The following IRX4 variants were observed in gnomAD, a reference collection of about 807,000 sequenced individuals.
IRX4 encodes iroquois-class homeodomain protein IRX-4.
Under a neutral mutation model 32.0 loss-of-function variants are expected in IRX4, and 22 were observed. That is an observed-to-expected ratio of 0.69 (90% CI 0.49 to 0.98). IRX4 has a LOEUF of 0.98. Ranked by LOEUF, IRX4 falls within the 50% of genes least tolerant of loss-of-function variation. IRX4 has a pLI of 0.00. For missense variants in IRX4, 840 were observed against 744.2 expected (o/e 1.13, Z -1.50); for synonymous variants, 379 against 351.7 (o/e 1.08, Z -0.87).
At position 1,878,534 on chromosome 5, in the gene IRX4, G is replaced by A; in HGVS notation, c.995C>T (p.Ala332Val). The part of the protein sequence containing the change: ...RARSCLRSAA[A>V]GPEPLPGAEG... The stretch of plus-strand genomic sequence containing the variant: ...TGCGCCCGGCAGTGGCTCCGGCCCG[G>A]CCGCCGCGCTGCGGAGACAGCTCCG... Residue 332 changes from alanine (A) to valine (V), a missense_variant, in exon 5 of 5, where the codon GCC becomes GTC. Coordinates refer to ENST00000231357, the MANE Select transcript of IRX4 (RefSeq NM_016358.3). 6.9e-7 allele frequency: 1 copy of A among 1,448,950 alleles called. No individual in the cohort carries two copies. Among genetic ancestry groups the A allele is most frequent in the East Asian group, 2.7e-5 (1 of 37,432 alleles). The allele number at this position is 1,448,950 out of a possible 1,614,324, so 89.8% of individuals were successfully genotyped here.
At chr5:1,883,070 C>T (rs565035836), upstream of IRX4, among the ~76,000 whole-genome samples, 47 of 152,178 alleles carry the variant, frequency 3.1e-4, no homozygotes, top group African/African-American at 9.9e-4. Context: ...GCGGCTCAGG[C>T]CGGGAGGGGC....
intron 3 of IRX4, among the ~76,000 whole-genome samples, chr5:1,880,387 C>A (rs1042928198): frequency 1.3e-5 from 2 of 152,188 alleles, no homozygotes; most frequent in African/African-American, 4.8e-5. Flanking sequence ...TGTGGACACT[C>A]GGAAGGAGGT....
At position 1,879,721 on chromosome 5, in the gene IRX4, G is replaced by T. The variant is rs61748182; in HGVS notation, c.519C>A (p.Gly173=). ...TGATGATGGCCAGCATGATCTTCTC[G>T]CCCTTGGTGGGGTAGGGGTTCTTGC... ...EHRKNPYPTK[G]EKIMLAIITK... The change falls in exon 4 of 5, where the codon GGC becomes GGA. Residue 173 remains glycine (G), a synonymous_variant. Coordinates refer to ENST00000231357, the MANE Select transcript of IRX4 (RefSeq NM_016358.3). 1 of 1,614,246 alleles carries T rather than the reference G, an allele frequency of 6.2e-7. No homozygotes were observed. Among genetic ancestry groups the T allele is most frequent in the East Asian group, 2.2e-5 (1 of 44,888 alleles).
In IRX4 at chr5:1,878,245, C is replaced by T; in HGVS notation, c.1284G>A (p.Gln428=). The change falls in exon 5 of 5, where the codon CAG becomes CAA. Residue 428 remains glutamine (Q), a synonymous_variant. Coordinates refer to ENST00000231357, the MANE Select transcript of IRX4 (RefSeq NM_016358.3). Reference sequence around the variant, plus strand: ...TTCTGAGACTGGTTACCGGGGAGTCCTGGTGCCTGTCCAGGGCGCCAGAGT... The same window carrying T: ...TTCTGAGACTGGTTACCGGGGAGTCTTGGTGCCTGTCCAGGGCGCCAGAGT... ...LPHSGALDRH[Q]DSPVTSLRNW... The T allele has an allele frequency of 6.2e-7, 1 of 1,604,712 alleles. No homozygotes were observed. The highest frequency in any genetic ancestry group is 8.5e-7 in the Non-Finnish European group (1 of 1,176,622).
intron 4 of IRX4, 26 bp downstream of exon 4, chr5:1,879,478 C>T: frequency 6.2e-7 from 1 of 1,612,762 alleles, no homozygotes; most frequent in Non-Finnish European, 8.5e-7. Flanking sequence ...AGGGCCTCAG[C>T]CCCCAGTGAC....
Position 1,878,124 on chromosome 5 carries a change from GC to G in IRX4, c.1404del (p.Pro469LeufsTer13). On this transcript the variant is annotated frameshift_variant, in exon 5 of 5. Transcript: ENST00000231357. LOFTEE classifies it low-confidence loss of function (END_TRUNC). ...ATAKGALLDPGPLGRSLGAGA... is the reference protein window; with the variant it reads ...ATAKGALLDPXPLGRSLGAGA... ...CCCGCCCCCAGCGAGCGTCCCAGAG[GC>G]CCGGGGTCCAGGAGGGCGCCCTTGG... is the stretch of plus-strand genomic sequence containing the variant. 1 of 1,546,876 alleles carries G rather than the reference GC, an allele frequency of 6.5e-7. No individual in the cohort carries two copies. Among genetic ancestry groups the G allele is most frequent in the Non-Finnish European group, 8.7e-7 (1 of 1,151,818 alleles).
At chr5:1,882,102 A>G in intron 1 of IRX4, 43 bp from the exon 2 acceptor site, 3 of 1,532,276 alleles carry the variant, frequency 2.0e-6, no homozygotes, top group African/African-American at 2.8e-5. Flanking sequence ...GCCGGGCTGG[A>G]GGCTGGGGCC....
rs1237447437 is a variant in IRX4, at chr5:1,879,684, G to C, written c.556C>G (p.Leu186Val). The C allele has an allele frequency of 5.6e-6, 9 of 1,614,230 alleles. No individual in the cohort carries two copies. The highest frequency in any genetic ancestry group is 1.7e-4 in the Middle Eastern group (1 of 6,060). Residue 186 changes from leucine (L) to valine (V), a missense_variant, in exon 4 of 5, where the codon CTC becomes GTC. Around this residue, in one of 3 missense-constraint regions of IRX4, gnomAD observed 585 missense variants for 488.0 expected, o/e 1.20. Transcript: ENST00000231357. The stretch of plus-strand genomic sequence containing the variant: ...GCGAACCAGGTGGAGACCTGTGTGA[G>C]GGTCATCTTGGTGATGATGGCCAGC... ...IMLAIITKMT[L>V]TQVSTWFANA...
chr5:1,885,608 C>T (rs1447058797), upstream of IRX4, among the ~76,000 whole-genome samples: 3 of 152,126 alleles, frequency 2.0e-5, no homozygotes, highest in Non-Finnish European at 2.9e-5. Flanking sequence ...CGCCCGGCCT[C>T]ACCCAGGCCC....
At position 1,878,495 on chromosome 5, in the gene IRX4, T is replaced by C; in HGVS notation, c.1034A>G (p.Gln345Arg). 2.1e-6 allele frequency: 3 copies of C among 1,440,282 alleles called. No individual in the cohort carries two copies. Among genetic ancestry groups the C allele is most frequent in the South Asian group, 1.5e-5 (1 of 67,532 alleles). The allele number at this position is 1,440,282 out of a possible 1,614,324, so 89.2% of individuals were successfully genotyped here. A position where few individuals can be genotyped will look rare whatever the true frequency, so the allele number is the denominator to read the frequency against. ...EPLPGAEGGP[Q>R]VCEAKLGFVP... ...AAACCCCAGCTTGGCCTCGCAGACC[T>C]GAGGGCCGCCCTCTGCGCCCGGCAG... Residue 345 changes from glutamine (Q) to arginine (R), a missense_variant, in exon 5 of 5, where the codon CAG (glutamine) becomes CGG (arginine). Physicochemically the swap from Gln to Arg is conservative, Grantham distance 43. Around this residue, in one of 3 missense-constraint regions of IRX4, gnomAD observed 585 missense variants for 488.0 expected, o/e 1.20. Coordinates refer to ENST00000231357, the MANE Select transcript of IRX4 (RefSeq NM_016358.3).
chr5:1,883,120 C>T (rs1579256355), upstream of IRX4, among the ~76,000 whole-genome samples: 4 of 152,108 alleles, frequency 2.6e-5, no homozygotes, highest in Admixed American at 2.0e-4. Flanking sequence ...AGGGGCCATT[C>T]CTCCGGGCGT....
Position 1,881,801 on chromosome 5 carries a change from C to T in IRX4, c.297+7G>A. ...GGCAGGGCAAGGGCTAGGGATGCCC[C>T]ACTTACCAGCGAGTAGAAGGCGGAC... On this transcript the variant is annotated splice_region_variant and intron_variant, in intron 2 of 4. Transcript: ENST00000231357. 1 of 1,568,226 alleles carries T rather than the reference C, an allele frequency of 6.4e-7. No individual in the cohort carries two copies.
chr5:1,877,717 C>G lies in IRX4; in HGVS notation c.*252G>C, dbSNP rs1428237164. The G allele has an allele frequency of 1.9e-6, 1 of 519,866 alleles. No homozygotes were observed. The highest frequency in any genetic ancestry group is 3.4e-6 in the Non-Finnish European group (1 of 298,460). The allele number at this position is 519,866 out of a possible 1,614,324, so 32.2% of individuals were successfully genotyped here. ...GCTTCAGGGTATCTGGCCTCTTCTG[C>G]TCCGAGAGCCTCTCCTTCCGCGTCC... On this transcript the variant is annotated 3_prime_UTR_variant, in exon 5 of 5. Transcript: ENST00000231357.
upstream of IRX4, among the ~76,000 whole-genome samples, chr5:1,884,986 A>G (rs1004309005): frequency 2.0e-5 from 3 of 147,650 alleles, no homozygotes; most frequent in Non-Finnish European, 3.0e-5. Context: ...AGCCGGGCCA[A>G]GGGCTGGGAT....
At chr5:1,882,555 G>T (rs1350720951) in intron 1 of IRX4, 48 bp downstream of exon 1, 2 of 1,449,166 alleles carry the variant, frequency 1.4e-6, no homozygotes, top group African/African-American at 1.5e-5. Flanking sequence ...CGCCCCATCC[G>T]CCCTACCGGC....
chr5:1,881,728 T>G (rs1735446900), intron 2 of IRX4, 80 bp downstream of exon 2: 2 of 1,519,292 alleles, frequency 1.3e-6, no homozygotes, highest in Admixed American at 4.0e-5. Flanking sequence ...GGACCCGGAC[T>G]GGCGCGCCTA....
At chr5:1,882,973 T>G (rs1267014076), upstream of IRX4, among the ~76,000 whole-genome samples, 2 of 149,064 alleles carry the variant, frequency 1.3e-5, no homozygotes, top group African/African-American at 2.5e-5. Context: ...TCAAGTCAGA[T>G]GTGCGCGGCT....
rs911481901 is a variant in IRX4, at chr5:1,882,616, G to C, written c.32C>G (p.Ser11Cys). 7.2e-5 allele frequency: 104 copies of C among 1,452,228 alleles called. No individual in the cohort carries two copies. In the African/African-American group the frequency reaches 1.5e-3, roughly 21 times the overall value. The allele number at this position is 1,452,228 out of a possible 1,614,324, so 90.0% of individuals were successfully genotyped here. Residue 11 changes from serine (S) to cysteine (C), a missense_variant, in exon 1 of 5, where the codon TCC (serine) becomes TGC (cysteine). Around this residue, in one of 3 missense-constraint regions of IRX4, gnomAD observed 241 missense variants for 220.8 expected, o/e 1.09. Coordinates refer to ENST00000231357, the MANE Select transcript of IRX4 (RefSeq NM_016358.3). MSYPQFGYPY[S>C]SAPQFLMATN... ...GGCTCCGCTTACCTGGGGAGCCGAG[G>C]AGTAGGGGTATCCAAACTGCGGGTA... is the stretch of plus-strand genomic sequence containing the variant.
rs1735500636 is a variant in IRX4, at chr5:1,882,757, C to G, written c.-110G>C. The G allele has an allele frequency of 3.1e-6, 2 of 642,762 alleles. No individual in the cohort carries two copies. The highest frequency in any genetic ancestry group is 6.9e-5 in the East Asian group (2 of 28,824). The allele number at this position is 642,762 out of a possible 1,614,324, so 39.8% of individuals were successfully genotyped here. A position where few individuals can be genotyped will look rare whatever the true frequency, so the allele number is the denominator to read the frequency against. Reference sequence around the variant, plus strand: ...TGCAGGCTTCTAGGCGCTGGGAGGGCGAAGCAGGAGAGCCGGTTAGTCCAT... The same window carrying G: ...TGCAGGCTTCTAGGCGCTGGGAGGGGGAAGCAGGAGAGCCGGTTAGTCCAT... On this transcript the variant is annotated 5_prime_UTR_variant, in exon 1 of 5. Transcript: ENST00000231357.
Sources: allele counts gnomAD v4.1 joint callset (sites outside exome capture counted in the v4.1 genomes callset), GRCh38; gene constraint gnomAD v4.1.1; regional missense constraint gnomAD v4.1.1; transcripts MANE v1.5; gene names NCBI Gene and HGNC (gene_info 2026-07-23, HGNC 2026-07-21).